The following STIMATE variants were observed in gnomAD, a reference collection of about 807,000 sequenced individuals.
The protein encoded by STIMATE is store-operated calcium entry regulator STIMATE.
STIMATE carries 15 observed loss-of-function variants against 36.7 expected under a neutral mutation model. The observed-to-expected ratio is 0.41, with a 90% CI of 0.27 to 0.63. The LOEUF (loss-of-function observed/expected upper bound fraction) is 0.63. Ranked by LOEUF, STIMATE falls within the 20% of genes least tolerant of loss-of-function variation. The probability of loss-of-function intolerance (pLI) is 0.32; values close to 1 mark genes in which losing one functional copy is unlikely to be tolerated. For synonymous variants in STIMATE, 163 were observed against 162.3 expected, an observed-to-expected ratio of 1.00 and a Z score of -0.03; for missense variants, 305 against 397.3, an observed-to-expected ratio of 0.77 and a Z score of 1.98.
intron 1 of STIMATE, among the ~76,000 whole-genome samples, chr3:52,858,749 A>G (rs533955913): frequency 1.3e-4 from 20 of 152,338 alleles, no homozygotes; most frequent in African/African-American, 4.6e-4. Flanking sequence ...GTGTGTCAGG[A>G]TGTATAGGAA....
chr3:52,896,049 G>C, intron 1 of STIMATE: 1 of 794,184 alleles, frequency 1.3e-6, no homozygotes, highest in Non-Finnish European at 1.9e-6. Flanking sequence ...AGACAGTTGG[G>C]CACTTATAAG....
At chr3:52,847,732 T>C (rs1019330965) in intron 4 of STIMATE, among the ~76,000 whole-genome samples, 3 of 152,098 alleles carry the variant, frequency 2.0e-5, no homozygotes, top group Admixed American at 6.5e-5. Flanking sequence ...TAGCATCACA[T>C]AGCAAAGGGG....
At chr3:52,867,718 A>G (rs945383618) in intron 1 of STIMATE, among the ~76,000 whole-genome samples, 2 of 152,240 alleles carry the variant, frequency 1.3e-5, no homozygotes, top group Non-Finnish European at 2.9e-5. Context: ...CTCCAGCTGA[A>G]TATCAGCTCA....
rs2106649144 is a variant in STIMATE, at chr3:52,842,973, A to G, written c.619-13T>C. 2 of 1,614,170 alleles carry G rather than the reference A, an allele frequency of 1.2e-6. No individual in the cohort carries two copies. Among genetic ancestry groups the G allele is most frequent in the Middle Eastern group, 1.7e-4 (1 of 6,060 alleles). On this transcript the variant is annotated splice_polypyrimidine_tract_variant and intron_variant, in intron 6 of 7. Coordinates refer to ENST00000355083, the MANE Select transcript of STIMATE (RefSeq NM_198563.5). ...AAAACATCAAAGCCTGTGGGAAGGA[A>G]AAGTGCAGGTTACTTTGGGATAAAC...
At chr3:52,876,815 T>C (rs1701509340) in intron 1 of STIMATE, among the ~76,000 whole-genome samples, 1 of 152,214 alleles carries the variant, frequency 6.6e-6, no homozygotes, top group Non-Finnish European at 1.5e-5. Context: ...CACTAGGCTA[T>C]TAGCAGTTAA....
chr3:52,849,386 G>A (rs1441169748), intron 4 of STIMATE, among the ~76,000 whole-genome samples: 2 of 152,226 alleles, frequency 1.3e-5, no homozygotes, highest in African/African-American at 4.8e-5. Flanking sequence ...CCTCGTTATT[G>A]AACACCTTCG....
Position 52,838,342 on chromosome 3 carries a change from C to A in STIMATE, c.*2152G>T, listed in dbSNP as rs1321117897. 1 of 152,180 alleles carries A rather than the reference C, an allele frequency of 6.6e-6. No individual in the cohort carries two copies. The highest frequency in any genetic ancestry group is 1.5e-5 in the Non-Finnish European group (1 of 68,048). The allele number at this position is 152,180 out of a possible 1,614,324, so 9.4% of individuals were successfully genotyped here. ...GAAACATTAGGAGCTCAAGACTGAACATGAAGCTCCAATTGTGAGCTCCAG... is the reference window on the plus strand; with the variant it reads ...GAAACATTAGGAGCTCAAGACTGAAAATGAAGCTCCAATTGTGAGCTCCAG... On this transcript the variant is annotated 3_prime_UTR_variant, in exon 8 of 8. Transcript: ENST00000355083.
intron 1 of STIMATE, among the ~76,000 whole-genome samples, chr3:52,876,029 C>T (rs1701498937): frequency 6.6e-6 from 1 of 152,218 alleles, no homozygotes; most frequent in Non-Finnish European, 1.5e-5. Flanking sequence ...TCCCTAAAGC[C>T]AGTATGCATT....
intron 5 of STIMATE, 106 bp from the exon 6 acceptor site, chr3:52,843,904 C>T (rs1464729607): frequency 9.4e-6 from 14 of 1,482,744 alleles, no homozygotes; most frequent in Admixed American, 2.0e-5. Flanking sequence ...GCTTAAGACG[C>T]TTCCTCCAAA....
chr3:52,855,392 A>T lies in STIMATE; in HGVS notation c.209+4T>A. The stretch of plus-strand genomic sequence containing the variant: ...CCAGAATGAACTAATACCTAAACAC[A>T]TACCATATCCTCCACGGACGTCTTT... On this transcript the variant is annotated splice_donor_region_variant and intron_variant, in intron 2 of 7. Transcript: ENST00000355083. 6.2e-7 allele frequency: 1 copy of T among 1,613,332 alleles called. No individual in the cohort carries two copies. Among genetic ancestry groups the T allele is most frequent in the African/African-American group, 1.3e-5 (1 of 74,678 alleles).
At chr3:52,857,356 A>G (rs918698025) in intron 1 of STIMATE, among the ~76,000 whole-genome samples, 1 of 152,224 alleles carries the variant, frequency 6.6e-6, no homozygotes, top group Non-Finnish European at 1.5e-5. Context: ...TTGCCTGAAC[A>G]GCTCTTGGAA....
At chr3:52,880,948 G>C (rs1458485827) in intron 1 of STIMATE, among the ~76,000 whole-genome samples, 1 of 152,188 alleles carries the variant, frequency 6.6e-6, no homozygotes, top group Non-Finnish European at 1.5e-5. Flanking sequence ...CAGCACTTTG[G>C]GAGGCCAAGG....
At chr3:52,843,268 T>C in intron 6 of STIMATE, 1 of 429,248 alleles carries the variant, frequency 2.3e-6, no homozygotes. Context: ...TCCAGGCCCC[T>C]CCCCACAGAC....
chr3:52,887,685 C>T (rs538339034), intron 1 of STIMATE, among the ~76,000 whole-genome samples: 1 of 152,164 alleles, frequency 6.6e-6, no homozygotes, highest in East Asian at 1.9e-4. Flanking sequence ...TCACCCCACA[C>T]CAAACTTCAT....
At chr3:52,858,023 TGAG>T (rs1262935548) in intron 1 of STIMATE, among the ~76,000 whole-genome samples, 1 of 152,144 alleles carries the variant, frequency 6.6e-6, no homozygotes, top group Non-Finnish European at 1.5e-5. Context: ...GCAAGAACAC[TGAG>T]AAGAGCGTCA....
chr3:52,869,242 C>T (rs956101691), intron 1 of STIMATE, among the ~76,000 whole-genome samples: 1 of 152,228 alleles, frequency 6.6e-6, no homozygotes, highest in Non-Finnish European at 1.5e-5. Context: ...CCAGTCCTCT[C>T]GCCTGAATCC....
intron 1 of STIMATE, among the ~76,000 whole-genome samples, chr3:52,862,947 C>T (rs1359928280): frequency 6.6e-6 from 1 of 152,084 alleles, no homozygotes; most frequent in Non-Finnish European, 1.5e-5. Context: ...GTTATGCAGC[C>T]ACATGCCAAG....
chr3:52,846,552 T>C (rs1700907230), intron 4 of STIMATE: 1 of 152,388 alleles, frequency 6.6e-6, no homozygotes. Context: ...TCACTCCATC[T>C]GCTCTTCAGT....
chr3:52,869,947 C>T (rs1406333000), intron 1 of STIMATE, among the ~76,000 whole-genome samples: 3 of 152,202 alleles, frequency 2.0e-5, no homozygotes, highest in Non-Finnish European at 4.4e-5. Flanking sequence ...AAACAATATA[C>T]TTAAGAGTAT....
Sources: allele counts gnomAD v4.1 joint callset (sites outside exome capture counted in the v4.1 genomes callset), GRCh38; gene constraint gnomAD v4.1.1; transcripts MANE v1.5; gene names NCBI Gene and HGNC (gene_info 2026-07-23, HGNC 2026-07-21).